AP1S3: variants seen among roughly 807,000 people sequenced by gnomAD.
AP1S3 encodes AP-1 complex subunit sigma-3.
In AP1S3, 10 loss-of-function variants were observed where a neutral mutation model predicts 20.9. The ratio of observed to expected loss-of-function variants is 0.48; its 90% CI spans 0.29 to 0.81. The LOEUF (loss-of-function observed/expected upper bound fraction) is 0.81, where lower values mean the gene tolerates loss of function less well. Ranked by LOEUF, AP1S3 falls within the 30% of genes least tolerant of loss-of-function variation. AP1S3 has a pLI of 0.08. For missense variants in AP1S3, 154 were observed against 183.8 expected (o/e 0.84, Z 0.94); for synonymous variants, 41 against 61.5 (o/e 0.67, Z 1.56).
At chr2:223,771,259 C>A (rs1338835531) in intron 3 of AP1S3, among the ~76,000 whole-genome samples, 1 of 152,006 alleles carries the variant, frequency 6.6e-6, no homozygotes, top group Non-Finnish European at 1.5e-5. Flanking sequence ...ATCGTTTGAA[C>A]CCAGGAAGCA....
chr2:223,769,739 T>TAG (rs1690565538), intron 3 of AP1S3, among the ~76,000 whole-genome samples: 1 of 93,914 alleles, frequency 1.1e-5, no homozygotes, highest in African/African-American at 7.8e-5. Flanking sequence ...CAATCCCATT[T>TAG]TTTTTTTTTT....
intron 2 of AP1S3, 147 bp from the exon 3 acceptor site, chr2:223,776,156 C>G (rs776192186): frequency 1.4e-6 from 1 of 713,384 alleles, no homozygotes; most frequent in South Asian, 1.5e-5. Flanking sequence ...CCCCAATAGC[C>G]TCCTGAAATA....
At position 223,765,284 on chromosome 2, in the gene AP1S3, C is replaced by G. The variant is rs1158318818; in HGVS notation, c.358G>C (p.Gly120Arg). 6.2e-7 allele frequency: 1 copy of G among 1,613,940 alleles called. No homozygotes were observed. Among genetic ancestry groups the G allele is most frequent in the Non-Finnish European group, 8.5e-7 (1 of 1,180,000 alleles). The change falls in exon 4 of 5, where the codon GGT becomes CGT. Residue 120 changes from glycine to arginine, a missense_variant. By Grantham distance (125) the Gly-to-Arg change is moderately radical. Transcript: ENST00000396654. ...AYFILDEFIIGGEIQETSKKI... is the reference protein window; with the variant it reads ...AYFILDEFIIRGEIQETSKKI... Reference sequence around the variant, plus strand: ...TTGGATGTTTCCTGAATTTCCCCACCTATTATAAACTCGTCCAGGATGAAA... The same window carrying G: ...TTGGATGTTTCCTGAATTTCCCCACGTATTATAAACTCGTCCAGGATGAAA...
chr2:223,800,928 A>G (rs1005510667), intron 1 of AP1S3, among the ~76,000 whole-genome samples: 3 of 152,358 alleles, frequency 2.0e-5, no homozygotes, highest in African/African-American at 7.2e-5. Context: ...TTATACCTTC[A>G]GTGGTACAGT....
chr2:223,781,843 C>G (rs1026076239), intron 1 of AP1S3, among the ~76,000 whole-genome samples: 1 of 152,116 alleles, frequency 6.6e-6, no homozygotes, highest in African/African-American at 2.4e-5. Flanking sequence ...GCCTGGTATT[C>G]TCTTGCATTT....
At chr2:223,836,135 A>C (rs1338111874) in intron 1 of AP1S3, among the ~76,000 whole-genome samples, 1 of 152,138 alleles carries the variant, frequency 6.6e-6, no homozygotes, top group Non-Finnish European at 1.5e-5. Context: ...TTGTTGATCA[A>C]CTTTCTTAGC....
At chr2:223,765,452 CAAAAAT>C (rs1485397537) in intron 3 of AP1S3, 102 bp from the exon 4 acceptor site, 1 of 1,233,262 alleles carries the variant, frequency 8.1e-7, no homozygotes, top group Admixed American at 3.0e-5. Context: ...TGTGGCGTAC[CAAAAAT>C]AAAAATATCA....
At chr2:223,782,626 A>C (rs569814101) in intron 1 of AP1S3, among the ~76,000 whole-genome samples, 1 of 152,348 alleles carries the variant, frequency 6.6e-6, no homozygotes, top group Admixed American at 6.5e-5. Context: ...ACAAAGAGCA[A>C]TGTTTCATTC....
chr2:223,831,224 G>A (rs534033700), intron 1 of AP1S3, among the ~76,000 whole-genome samples: 1 of 152,216 alleles, frequency 6.6e-6, no homozygotes, highest in East Asian at 1.9e-4. Context: ...TTGACTTCCT[G>A]GGCTCAGGTG....
At chr2:223,759,587 A>C (rs1490195709) in intron 4 of AP1S3, among the ~76,000 whole-genome samples, 1 of 152,244 alleles carries the variant, frequency 6.6e-6, no homozygotes, top group East Asian at 1.9e-4. Flanking sequence ...ATATGTTTTC[A>C]AAGGCTTCCT....
At chr2:223,810,925 A>T (rs937171971) in intron 1 of AP1S3, among the ~76,000 whole-genome samples, 2 of 152,056 alleles carry the variant, frequency 1.3e-5, no homozygotes, top group African/African-American at 4.8e-5. Flanking sequence ...TTATGGTTTA[A>T]ATTTTGGCTC....
At chr2:223,836,999 CA>C (rs1433445360) in intron 1 of AP1S3, among the ~76,000 whole-genome samples, 1 of 152,066 alleles carries the variant, frequency 6.6e-6, no homozygotes, top group African/African-American at 2.4e-5. Flanking sequence ...GTTGCCACTC[CA>C]CCCGGTTGTA....
chr2:223,780,070 T>G (rs1281531050), intron 1 of AP1S3, among the ~76,000 whole-genome samples: 3 of 151,630 alleles, frequency 2.0e-5, no homozygotes, highest in African/African-American at 7.3e-5. Context: ...GAGGGTCCAA[T>G]GAAACCATGC....
chr2:223,819,832 T>C (rs978155614), intron 1 of AP1S3, among the ~76,000 whole-genome samples: 2 of 152,128 alleles, frequency 1.3e-5, no homozygotes, highest in South Asian at 2.1e-4. Flanking sequence ...AGTTACCTTA[T>C]ATTTTCTGCT....
At chr2:223,809,190 C>T (rs1298069918) in intron 1 of AP1S3, among the ~76,000 whole-genome samples, 1 of 152,218 alleles carries the variant, frequency 6.6e-6, no homozygotes, top group Non-Finnish European at 1.5e-5. Flanking sequence ...CCATGGCCTG[C>T]AAGGCCATAC....
chr2:223,832,157 GTGTGTGTGTGTGTGT>G (rs1692286940), intron 1 of AP1S3, among the ~76,000 whole-genome samples: 1 of 147,410 alleles, frequency 6.8e-6, no homozygotes, highest in African/African-American at 2.5e-5. Context: ...GTGTGTGTGT[GTGTGTGTGTGTGTGT>G]GTGTGTGTGT....
At chr2:223,776,250 T>G (rs1187877285) in intron 2 of AP1S3, 2 of 584,876 alleles carry the variant, frequency 3.4e-6, no homozygotes, top group Non-Finnish European at 6.6e-6. Flanking sequence ...AATTTTACCT[T>G]GAAGAGCTAT....
rs1261562567 is a variant in AP1S3 at position 223,756,993 on chromosome 2, T to TC, written c.*1721_*1722insG. 3 of 974,948 alleles carry TC rather than the reference T, an allele frequency of 3.1e-6. No homozygotes were observed. The highest frequency in any genetic ancestry group is 6.2e-5 in the Admixed American group (1 of 16,130). The allele number at this position is 974,948 out of a possible 1,614,324, so 60.4% of individuals were successfully genotyped here. ...ACTACAAGCTTTTACTTTTTCTTTT[T>TC]TTTTTTTTTTTTCTTGAGACGCAGT... On this transcript the variant is annotated 3_prime_UTR_variant, in exon 5 of 5. Transcript: ENST00000396654.
chr2:223,758,026 T>C lies in AP1S3; in HGVS notation c.*689A>G. 6 of 976,314 alleles carry C rather than the reference T, an allele frequency of 6.1e-6. No homozygotes were observed. Among genetic ancestry groups the C allele is most frequent in the Non-Finnish European group, 7.3e-6 (6 of 821,648 alleles). 60.5% of individuals were successfully genotyped at this position (976,314 alleles called of 1,614,324 possible). ...TAGTTCATAGAAAACCTTATTGGAA[T>C]GTCCCTTATATTCAATTAAAAGATA... On this transcript the variant is annotated 3_prime_UTR_variant, in exon 5 of 5. Coordinates refer to ENST00000396654, the MANE Select transcript of AP1S3 (RefSeq NM_001039569.2).
Sources: gnomAD v4.1 joint callset for allele counts (sites outside exome capture counted in the v4.1 genomes callset) on GRCh38, gnomAD v4.1.1 for gene constraint, MANE v1.5 for transcripts, NCBI Gene and HGNC (gene_info 2026-07-23, HGNC 2026-07-21) for gene names.